Variants in NRG1 observed in about 807,000 individuals in gnomAD.
NRG1 encodes the protein pro-neuregulin-1, membrane-bound isoform.
In NRG1, 18 loss-of-function variants were observed where a neutral mutation model predicts 63.8. The observed-to-expected ratio is 0.28, with a 90% CI of 0.19 to 0.42. The LOEUF (loss-of-function observed/expected upper bound fraction) is 0.42. Ranked by LOEUF, NRG1 falls within the 10% of genes least tolerant of loss-of-function variation. NRG1 has a pLI of 1.00. For missense variants in NRG1, 762 were observed against 814.7 expected (o/e 0.94, Z 0.79); for synonymous variants, 302 against 301.3 (o/e 1.00, Z -0.02).
At chr8:32,764,651 G>A (rs1264206457) in exon 12 of NRG1, 3 of 327,578 alleles carry the variant, frequency 9.2e-6, no homozygotes, top group African/African-American at 2.2e-5. Flanking sequence ...AGCAAGTTTT[G>A]TACAGTTACA....
intron 1 of NRG1, among the ~76,000 whole-genome samples, chr8:32,192,869 C>T (rs1026792209): frequency 6.6e-6 from 1 of 152,166 alleles, no homozygotes; most frequent in East Asian, 1.9e-4. Context: ...AACACACACT[C>T]CCATACACAC....
intron 1 of NRG1, among the ~76,000 whole-genome samples, chr8:32,229,884 A>G (rs1846730819): frequency 6.6e-6 from 1 of 151,836 alleles, no homozygotes; most frequent in South Asian, 2.1e-4. Flanking sequence ...TGTTTTTGAG[A>G]GTAGAGGTGG....
chr8:32,601,408 C>G (rs762755672), intron 2 of NRG1, among the ~76,000 whole-genome samples: 1 of 152,132 alleles, frequency 6.6e-6, no homozygotes, highest in Non-Finnish European at 1.5e-5. Context: ...AGACTTGAAT[C>G]TTTCCAAAGA....
chr8:32,043,690 T>C (rs958823178), intron 1 of NRG1, among the ~76,000 whole-genome samples: 3 of 151,930 alleles, frequency 2.0e-5, no homozygotes, highest in African/African-American at 7.2e-5. Context: ...GTAGGATTCC[T>C]GCATTCTACT....
At chr8:32,764,292 T>C (rs781053108) in exon 12 of NRG1, 2 of 1,613,980 alleles carry the variant, frequency 1.2e-6, no homozygotes, top group African/African-American at 2.7e-5. Flanking sequence ...AACACCTGCC[T>C]TCCGCCTGGC....
At chr8:32,074,581 G>T (rs145540965) in intron 1 of NRG1, among the ~76,000 whole-genome samples, 1 of 152,010 alleles carries the variant, frequency 6.6e-6, no homozygotes, top group African/African-American at 2.4e-5. Flanking sequence ...AGGGCAGTGC[G>T]TGTGGGTCAG....
intron 1 of NRG1, among the ~76,000 whole-genome samples, chr8:32,121,576 CTTCA>C (rs1379692366): frequency 3.3e-4 from 50 of 151,970 alleles, no homozygotes; most frequent in Admixed American, 3.3e-3. Context: ...CCATTTTCTT[CTTCA>C]TTAAGAAAAA....
intron 1 of NRG1, among the ~76,000 whole-genome samples, chr8:31,969,498 G>A (rs1350386694): frequency 6.6e-6 from 1 of 152,082 alleles, no homozygotes; most frequent in Non-Finnish European, 1.5e-5. Flanking sequence ...CTCAGAAGGG[G>A]CCCTGCCTGA....
chr8:32,440,381 A>T (rs934568477), intron 1 of NRG1, among the ~76,000 whole-genome samples: 2 of 151,440 alleles, frequency 1.3e-5, no homozygotes, highest in African/African-American at 4.9e-5. Flanking sequence ...CTGGTCTTGA[A>T]CTCCTGGGCT....
intron 1 of NRG1, among the ~76,000 whole-genome samples, chr8:32,391,478 C>T (rs1368575758): frequency 6.6e-6 from 1 of 152,078 alleles, no homozygotes; most frequent in African/African-American, 2.4e-5. Context: ...AAGCCCAGTA[C>T]CCAATACTTA....
intron 1 of NRG1, chr8:32,099,566 T>C (rs888570864): frequency 6.6e-6 from 1 of 152,178 alleles, no homozygotes; most frequent in African/African-American, 2.4e-5. Flanking sequence ...CAAGAAGGAC[T>C]TAAGAAGAAT....
chr8:31,873,330 G>T (rs922091392), intron 1 of NRG1, among the ~76,000 whole-genome samples: 4 of 152,180 alleles, frequency 2.6e-5, no homozygotes, highest in African/African-American at 9.7e-5. Context: ...GGAGGCTGAT[G>T]TGGGTGGATC....
intron 1 of NRG1, among the ~76,000 whole-genome samples, chr8:32,525,380 C>T (rs1156336877): frequency 7.2e-6 from 1 of 139,444 alleles, no homozygotes; most frequent in Non-Finnish European, 1.5e-5. Context: ...TCATCTTAAG[C>T]ATGAGGTAGG....
intron 5 of NRG1, among the ~76,000 whole-genome samples, chr8:32,623,473 G>A (rs560765772): frequency 9.2e-5 from 14 of 152,252 alleles, no homozygotes; most frequent in Admixed American, 6.5e-4. Flanking sequence ...TATAAACATG[G>A]CATTTTTCAT....
chr8:32,759,688 A>G (rs1423562155), intron 10 of NRG1, among the ~76,000 whole-genome samples: 4 of 152,144 alleles, frequency 2.6e-5, no homozygotes, highest in Non-Finnish European at 5.9e-5. Flanking sequence ...GAATTGCTAC[A>G]CTGGGACAAG....
chr8:32,626,831 G>A (rs1849383693), intron 5 of NRG1, among the ~76,000 whole-genome samples: 3 of 151,934 alleles, frequency 2.0e-5, no homozygotes, highest in Admixed American at 2.0e-4. Flanking sequence ...GACCAGCCTG[G>A]CCGACATGGT....
chr8:31,927,395 A>G (rs1834445327), intron 1 of NRG1, among the ~76,000 whole-genome samples: 1 of 150,104 alleles, frequency 6.7e-6, no homozygotes, highest in Non-Finnish European at 1.5e-5. Context: ...TTCCTTTTCA[A>G]TGATTACATT....
Position 31,901,159 on chromosome 8 carries a change from A to C in NRG1, c.37+261728A>C, listed in dbSNP as rs528644372. On this transcript the variant is annotated intron_variant, in intron 1 of 10. Coordinates refer to the NRG1 transcript ENST00000519301. ...TTTATAACTGAAAAAAGATGTTCGA[A>C]TTTTGGGGTTTGTAAAAGAACTAGG... is the stretch of plus-strand genomic sequence containing the variant. 5.1e-4 allele frequency among the ~76,000 whole-genome samples: 77 copies of C among 152,304 alleles called. 1 individual carries two copies. The highest frequency in any genetic ancestry group is 1.6e-3 in the African/African-American group (67 of 41,560).
chr8:31,779,923 T>C (rs1819514335), intron 1 of NRG1, among the ~76,000 whole-genome samples: 1 of 152,250 alleles, frequency 6.6e-6, no homozygotes, highest in African/African-American at 2.4e-5. Flanking sequence ...AAAGTATTCT[T>C]GCTAGTGCAA....
Sources: allele counts gnomAD v4.1 joint callset (sites outside exome capture counted in the v4.1 genomes callset), GRCh38; gene constraint gnomAD v4.1.1; transcripts MANE v1.5; gene names NCBI Gene and HGNC (gene_info 2026-07-23, HGNC 2026-07-21).